Variants in TBCEL observed in about 807,000 individuals in gnomAD.
TBCEL encodes tubulin folding cofactor E like.
TBCEL carries 15 observed loss-of-function variants against 44.2 expected under a neutral mutation model. The observed-to-expected ratio is 0.34, with a 90% CI of 0.23 to 0.52. TBCEL has a LOEUF of 0.52. Ranked by LOEUF, TBCEL falls within the 20% of genes least tolerant of loss-of-function variation. The pLI, the probability that TBCEL is intolerant of heterozygous loss-of-function variation, is 0.95. For synonymous variants in TBCEL, 171 were observed against 185.4 expected (o/e 0.92, Z 0.63); for missense variants, 319 against 506.3 (o/e 0.63, Z 3.55).
chr11:121,040,805 C>G (rs1945317911), intron 2 of TBCEL, among the ~76,000 whole-genome samples: 1 of 152,100 alleles, frequency 6.6e-6, no homozygotes, highest in Non-Finnish European at 1.5e-5. Flanking sequence ...GATGTATGCA[C>G]ATGGTGAATT....
At chr11:121,072,898 C>G (rs1339747212) in intron 8 of TBCEL, among the ~76,000 whole-genome samples, 1 of 152,020 alleles carries the variant, frequency 6.6e-6, no homozygotes, top group Non-Finnish European at 1.5e-5. Flanking sequence ...GAGATCTGGC[C>G]CCATATGGAT....
intron 1 of TBCEL, chr11:121,035,465 A>G (rs593476): frequency 6.6e-6 from 1 of 150,578 alleles, no homozygotes; most frequent in Non-Finnish European, 1.5e-5. Flanking sequence ...AAACAAAAAC[A>G]AACGTGGATT....
At chr11:121,067,644 C>T (rs998842924) in intron 8 of TBCEL, among the ~76,000 whole-genome samples, 57 of 152,176 alleles carry the variant, frequency 3.7e-4, no homozygotes, top group African/African-American at 1.4e-3. Flanking sequence ...TTAAAGCCGT[C>T]ATCTGTGCCG....
intron 1 of TBCEL, among the ~76,000 whole-genome samples, chr11:121,027,873 A>G (rs764521873): frequency 6.6e-6 from 1 of 152,126 alleles, no homozygotes; most frequent in Non-Finnish European, 1.5e-5. Flanking sequence ...GGCGTAGTTC[A>G]TAGACCAAGT....
rs183927764 is a variant in TBCEL, at chr11:121,047,233, C to T, written c.134-295C>T. ...TCTTGTTCAGATGATAAGATGATAG[C>T]GTGGATGAGGGCTCTGTTGTTGGTA... On this transcript the variant is annotated intron_variant, in intron 3 of 8. Coordinates refer to ENST00000683345, the MANE Select transcript of TBCEL (RefSeq NM_001363644.2). 1.6e-4 allele frequency among the ~76,000 whole-genome samples: 24 copies of T among 152,072 alleles called. No homozygotes were observed. In the East Asian group the frequency reaches 4.5e-3, roughly 28 times the overall value.
At chr11:121,084,239 G>A (rs1807049828) in intron 8 of TBCEL, among the ~76,000 whole-genome samples, 1 of 152,110 alleles carries the variant, frequency 6.6e-6, no homozygotes. Flanking sequence ...ATAATTTTGG[G>A]CCATTCTTTC....
At position 121,087,276 on chromosome 11, in the gene TBCEL, T is replaced by C; in HGVS notation, c.*180T>C. On this transcript the variant is annotated 3_prime_UTR_variant, in exon 9 of 9. Transcript: ENST00000683345. ...GTAGGGGCCATTTTTGGGTGTTTTC[T>C]ACCACAGATTGATTTGGCTCAGCCA... 1 of 612,900 alleles carries C rather than the reference T, an allele frequency of 1.6e-6. No individual in the cohort carries two copies. The highest frequency in any genetic ancestry group is 2.8e-6 in the Non-Finnish European group (1 of 358,450). 38.0% of individuals were successfully genotyped at this position (612,900 alleles called of 1,614,324 possible).
At chr11:121,075,637 CCTT>C (rs1034021496) in intron 8 of TBCEL, among the ~76,000 whole-genome samples, 3 of 152,006 alleles carry the variant, frequency 2.0e-5, no homozygotes, top group Non-Finnish European at 4.4e-5. Context: ...TCTGTCTAGA[CCTT>C]CTCTGATTTC....
intron 8 of TBCEL, among the ~76,000 whole-genome samples, chr11:121,063,318 A>G (rs1011489053): frequency 2.0e-5 from 3 of 152,188 alleles, no homozygotes; most frequent in Admixed American, 6.5e-5. Context: ...GGACTCTTCA[A>G]TATCTACGCA....
At chr11:121,072,727 AT>A (rs1248018303) in intron 8 of TBCEL, among the ~76,000 whole-genome samples, 1 of 151,978 alleles carries the variant, frequency 6.6e-6, no homozygotes, top group East Asian at 1.9e-4. Flanking sequence ...TTAATGTCTG[AT>A]TTGTCTATCC....
chr11:121,079,629 C>T (rs1946088983), intron 8 of TBCEL, among the ~76,000 whole-genome samples: 1 of 152,044 alleles, frequency 6.6e-6, no homozygotes, highest in Non-Finnish European at 1.5e-5. Context: ...ATGTTGGTGA[C>T]CTTGAGAAAT....
At position 121,058,349 on chromosome 11, in the gene TBCEL, G is replaced by T; in HGVS notation, c.717G>T (p.Leu239Phe). Residue 239 changes from leucine (L) to phenylalanine (F), a missense_variant, in exon 7 of 9, where the codon TTG becomes TTT. By Grantham distance (22) the Leu-to-Phe change is conservative (BLOSUM62 0). Transcript: ENST00000683345. ...LRSISLHKSG[L>F]QSWEDIDKLN... ...AACAATATGTTCTCAAATTAGGTTT[G>T]CAGTCCTGGGAAGACATTGATAAAC... The T allele has an allele frequency of 6.2e-7, 1 of 1,610,788 alleles. No individual in the cohort carries two copies. The highest frequency in any genetic ancestry group is 8.5e-7 in the Non-Finnish European group (1 of 1,177,748).
intron 3 of TBCEL, among the ~76,000 whole-genome samples, 190 bp downstream of exon 3, chr11:121,046,013 GT>G (rs1945424136): frequency 1.3e-5 from 2 of 152,064 alleles, no homozygotes; most frequent in South Asian, 4.1e-4. Context: ...ATTAAGAGAT[GT>G]TTTAGTTGCA....
intron 8 of TBCEL, among the ~76,000 whole-genome samples, chr11:121,065,008 A>G (rs192784657): frequency 6.6e-6 from 1 of 151,794 alleles, no homozygotes; most frequent in South Asian, 2.1e-4. Flanking sequence ...TTGTATTTTT[A>G]GTGGAGACGG....
At chr11:121,071,139 C>T (rs1945923088) in intron 8 of TBCEL, among the ~76,000 whole-genome samples, 1 of 152,104 alleles carries the variant, frequency 6.6e-6, no homozygotes, top group Non-Finnish European at 1.5e-5. Flanking sequence ...TTTTGCCTTG[C>T]CCTTGATCAG....
At chr11:121,041,627 C>G (rs1945334776) in intron 2 of TBCEL, among the ~76,000 whole-genome samples, 1 of 151,876 alleles carries the variant, frequency 6.6e-6, no homozygotes. Context: ...TACCCTCCCA[C>G]CCCCCAAAAA....
intron 3 of TBCEL, among the ~76,000 whole-genome samples, chr11:121,046,543 A>G (rs940675091): frequency 2.0e-5 from 3 of 151,970 alleles, no homozygotes; most frequent in Admixed American, 6.6e-5. Context: ...TTTTATCTCT[A>G]TGTAACCTGG....
chr11:121,054,891 A>T (rs1565498300), intron 5 of TBCEL, 161 bp from the exon 6 acceptor site: 1 of 657,346 alleles, frequency 1.5e-6, no homozygotes, highest in Non-Finnish European at 2.2e-6. Context: ...CTTCCCAGCT[A>T]TATTTTGAAC....
At chr11:121,026,771 A>G (rs977862712) in intron 1 of TBCEL, among the ~76,000 whole-genome samples, 2 of 150,040 alleles carry the variant, frequency 1.3e-5, no homozygotes, top group African/African-American at 4.9e-5. Flanking sequence ...TTTAGCTTTA[A>G]TGAATGTTTA....
Sources: allele counts gnomAD v4.1 joint callset (sites outside exome capture counted in the v4.1 genomes callset), GRCh38; gene constraint gnomAD v4.1.1; transcripts MANE v1.5; gene names NCBI Gene and HGNC (gene_info 2026-07-23, HGNC 2026-07-21).